TRIOBP: variants seen among roughly 807,000 people sequenced by gnomAD.
The protein encoded by TRIOBP is TRIO and F-actin-binding protein.
A neutral mutation model predicts 238.8 loss-of-function variants in TRIOBP; 169 were observed. That is an observed-to-expected ratio of 0.71 (90% confidence interval 0.62 to 0.80). The LOEUF (loss-of-function observed/expected upper bound fraction) is 0.80, where lower values mean the gene tolerates loss of function less well. TRIOBP is among the 30% of genes least tolerant of loss of function. The pLI is 0.00. For synonymous variants in TRIOBP, 1,150 were observed against 1,274.4 expected (o/e 0.90, Z 2.08); for missense variants, 2,838 against 3,122.6 (o/e 0.91, Z 2.17).
intron 7 of TRIOBP, among the ~76,000 whole-genome samples, chr22:37,730,093 G>A (rs1449108741): frequency 2.0e-5 from 3 of 152,036 alleles, no homozygotes; most frequent in South Asian, 2.1e-4. Flanking sequence ...TTAGAGTCAC[G>A]TAGCATCCTG....
chr22:37,776,296 G>A lies in TRIOBP; in HGVS notation c.*2516G>A, dbSNP rs752897615. ...GAAGGTCTGCCAGTACCAAGTGCTG[G>A]TGGGGATACGGAGAAGAGCAGCTCC... On this transcript the variant is annotated 3_prime_UTR_variant, in exon 24 of 24. Transcript: ENST00000644935. 6.6e-6 allele frequency: 1 copy of A among 152,234 alleles called. No homozygotes were observed. Among genetic ancestry groups the A allele is most frequent in the Admixed American group, 6.5e-5 (1 of 15,276 alleles). The allele number at this position is 152,234 out of a possible 1,614,324, so 9.4% of individuals were successfully genotyped here.
intron 12 of TRIOBP, among the ~76,000 whole-genome samples, chr22:37,753,199 A>G (rs1374260939): frequency 2.6e-5 from 4 of 152,196 alleles, no homozygotes; most frequent in Non-Finnish European, 5.9e-5. Flanking sequence ...GGGCCATGAC[A>G]GCCATCCACA....
intron 18 of TRIOBP, among the ~76,000 whole-genome samples, chr22:37,766,309 C>T (rs778387300): frequency 1.3e-5 from 2 of 151,996 alleles, no homozygotes; most frequent in Non-Finnish European, 2.9e-5. Flanking sequence ...AATTCCCTCC[C>T]CTCCTGCCAC....
chr22:37,751,940 G>A (rs992996286), intron 12 of TRIOBP, 112 bp downstream of exon 12: 1 of 931,204 alleles, frequency 1.1e-6, no homozygotes, highest in African/African-American at 1.6e-5. Context: ...CTGGGGGTGG[G>A]GCTGGGAGGG....
At chr22:37,755,040 G>T (rs754084230) in intron 13 of TRIOBP, 56 bp downstream of exon 13, 37 of 1,610,750 alleles carry the variant, frequency 2.3e-5, no homozygotes, top group Non-Finnish European at 2.9e-5. Context: ...GGCCTGGCTG[G>T]GTTCACTGGG....
At chr22:37,748,623 C>A (rs751893053) in intron 11 of TRIOBP, among the ~76,000 whole-genome samples, 7 of 152,124 alleles carry the variant, frequency 4.6e-5, no homozygotes, top group Admixed American at 2.6e-4. Context: ...GAGCCCCTAT[C>A]TGTGCTGGGT....
intron 11 of TRIOBP, chr22:37,746,172 T>C (rs1601648498): frequency 1.0e-6 from 1 of 999,582 alleles, no homozygotes; most frequent in Non-Finnish European, 1.2e-6. Flanking sequence ...TGTCTCGGCT[T>C]CCCCGCCACC....
intron 11 of TRIOBP, chr22:37,750,523 G>A (rs544692825): frequency 3.2e-5 from 13 of 411,476 alleles, no homozygotes; most frequent in Non-Finnish European, 5.7e-5. Flanking sequence ...GCTTGGGATC[G>A]CCCTGGGCAG....
At chr22:37,706,140 T>C (rs1922934195) in intron 3 of TRIOBP, among the ~76,000 whole-genome samples, 1 of 152,104 alleles carries the variant, frequency 6.6e-6, no homozygotes, top group East Asian at 1.9e-4. Flanking sequence ...GGCTGACTCC[T>C]GTAATTTCTT....
At chr22:37,712,213 C>T (rs1923284456) in intron 4 of TRIOBP, among the ~76,000 whole-genome samples, 1 of 152,046 alleles carries the variant, frequency 6.6e-6, no homozygotes, top group Admixed American at 6.5e-5. Flanking sequence ...TTTGAGATGG[C>T]ATCTTGCTCT....
intron 2 of TRIOBP, among the ~76,000 whole-genome samples, chr22:37,698,218 AG>A (rs66959252): frequency 0.64 from 65,199 of 102,402 alleles, 21,839 homozygotes; most frequent in East Asian, 0.72. Flanking sequence ...AAAAAAAAAA[AG>A]AAAGAAAGAC....
At chr22:37,716,308 C>T (rs994191968) in intron 6 of TRIOBP, among the ~76,000 whole-genome samples, 30 of 152,024 alleles carry the variant, frequency 2.0e-4, no homozygotes, top group Non-Finnish European at 1.5e-5. Flanking sequence ...CATGGGGTTT[C>T]ACCATGTTAG....
rs1927028307 is a variant in TRIOBP at position 37,776,303 on chromosome 22, T to A, written c.*2523T>A. On this transcript the variant is annotated 3_prime_UTR_variant, in exon 24 of 24. Transcript: ENST00000644935. ...TGCCAGTACCAAGTGCTGGTGGGGA[T>A]ACGGAGAAGAGCAGCTCCCAGGCGC... 1 of 152,220 alleles carries A rather than the reference T, an allele frequency of 6.6e-6. No individual in the cohort carries two copies. Among genetic ancestry groups the A allele is most frequent in the Non-Finnish European group, 1.5e-5 (1 of 68,036 alleles). The allele number at this position is 152,220 out of a possible 1,614,324, so 9.4% of individuals were successfully genotyped here.
intron 12 of TRIOBP, among the ~76,000 whole-genome samples, chr22:37,753,787 A>G (rs952761387): frequency 2.0e-5 from 3 of 152,194 alleles, no homozygotes; most frequent in African/African-American, 7.2e-5. Context: ...AAAACTAAGT[A>G]CTTGAAACAA....
Position 37,759,317 on chromosome 22 carries a change from T to C in TRIOBP, c.6324+53T>C, listed in dbSNP as rs1247395655. 5.1e-6 allele frequency: 8 copies of C among 1,555,388 alleles called. No homozygotes were observed. In the East Asian group the frequency reaches 1.6e-4, roughly 31 times the overall value. ...GGAGGGGGCAGATTTCTGCTTGCCG[T>C]GTTATCAGGAAACAGCTGAGATTTT... is the stretch of plus-strand genomic sequence containing the variant. On this transcript the variant is annotated intron_variant, in intron 17 of 23. Coordinates refer to ENST00000644935, the MANE Select transcript of TRIOBP (RefSeq NM_001039141.3).
chr22:37,710,515 C>T lies in TRIOBP; in HGVS notation c.203C>T (p.Thr68Ile), dbSNP rs776107623. Residue 68 changes from threonine to isoleucine, a missense_variant, in exon 4 of 24, where the codon ACC becomes ATC. Thr to Ile is a moderately conservative substitution (Grantham distance 89, BLOSUM62 -1). Coordinates refer to ENST00000644935, the MANE Select transcript of TRIOBP (RefSeq NM_001039141.3). ...PAPEDPLSAS[T>I]SGCQSVVDPG... ...CCTGAGGACCCACTCAGCGCCTCAA[C>T]CTCCGGCTGCCAGTCTGTGGTGGAC... 8.1e-6 allele frequency: 13 copies of T among 1,612,132 alleles called. No individual in the cohort carries two copies. Among genetic ancestry groups the T allele is most frequent in the African/African-American group, 2.7e-5 (2 of 75,040 alleles).
rs1927040361 is a variant in TRIOBP at position 37,776,531 on chromosome 22, A to C, written c.*2751A>C. 1 of 152,250 alleles carries C rather than the reference A, an allele frequency of 6.6e-6. No homozygotes were observed. Among genetic ancestry groups the C allele is most frequent in the South Asian group, 2.1e-4 (1 of 4,838 alleles). The allele number at this position is 152,250 out of a possible 1,614,324, so 9.4% of individuals were successfully genotyped here. A position where few individuals can be genotyped will look rare whatever the true frequency, so the allele number is the denominator to read the frequency against. On this transcript the variant is annotated 3_prime_UTR_variant, in exon 24 of 24. Coordinates refer to ENST00000644935, the MANE Select transcript of TRIOBP (RefSeq NM_001039141.3). The stretch of plus-strand genomic sequence containing the variant: ...CAATACAGCTGTGTGTCAGTAGTAG[A>C]ATGAATAAATTGTGGTCGATTCATA...
At chr22:37,753,883 C>T (rs1042838454) in intron 12 of TRIOBP, among the ~76,000 whole-genome samples, 5 of 152,104 alleles carry the variant, frequency 3.3e-5, no homozygotes, top group African/African-American at 7.2e-5. Flanking sequence ...TGGCAGTGGG[C>T]GGGCCGCGAC....
At chr22:37,770,139 G>C (rs1181920812) in intron 21 of TRIOBP, among the ~76,000 whole-genome samples, 1 of 147,016 alleles carries the variant, frequency 6.8e-6, no homozygotes, top group Non-Finnish European at 1.5e-5. Context: ...CCGCCTCCCA[G>C]GTTAAAACGA....
Sources: allele counts gnomAD v4.1 joint callset (sites outside exome capture counted in the v4.1 genomes callset), GRCh38; gene constraint gnomAD v4.1.1; transcripts MANE v1.5; gene names NCBI Gene and HGNC (gene_info 2026-07-23, HGNC 2026-07-21).